Variants in AAMDC observed in about 807,000 individuals in gnomAD.
AAMDC encodes the protein mth938 domain-containing protein.
In AAMDC, 16 loss-of-function variants were observed where a neutral mutation model predicts 15.5. The ratio of observed to expected loss-of-function variants is 1.03; its 90% CI spans 0.70 to 1.57. The LOEUF is 1.57. Among genes scored for constraint, AAMDC ranks in the 40% most tolerant of loss-of-function variants. AAMDC has a pLI of 0.00. For missense variants in AAMDC, 141 were observed against 144.9 expected (o/e 0.97, Z 0.14); for synonymous variants, 51 against 51.6 (o/e 0.99, Z 0.05).
intron 5 of AAMDC, among the ~76,000 whole-genome samples, chr11:77,896,233 G>A (rs1218140979): frequency 1.3e-5 from 2 of 151,614 alleles, no homozygotes; most frequent in African/African-American, 4.8e-5. Context: ...AGAAAAAAAA[G>A]GAAAAAAATA....
intron 5 of AAMDC, among the ~76,000 whole-genome samples, chr11:77,886,522 G>A (rs1025430905): frequency 1.3e-5 from 2 of 152,186 alleles, no homozygotes; most frequent in African/African-American, 4.8e-5. Context: ...ACGGGTAAAC[G>A]GCGGGAGTAA....
chr11:77,854,781 A>G (rs1345475738), intron 2 of AAMDC, among the ~76,000 whole-genome samples: 1 of 152,188 alleles, frequency 6.6e-6, no homozygotes, highest in Non-Finnish European at 1.5e-5. Flanking sequence ...CACCTCCATT[A>G]ACCACTGTCC....
downstream of AAMDC, among the ~76,000 whole-genome samples, chr11:77,903,113 AGTAACTT>A (rs1470736631): frequency 6.6e-6 from 1 of 152,244 alleles, no homozygotes; most frequent in Non-Finnish European, 1.5e-5. Flanking sequence ...AGGGAATTTA[AGTAACTT>A]GCTCAATATC....
chr11:77,841,072 C>G, intron 1 of AAMDC: 1 of 634,252 alleles, frequency 1.6e-6, no homozygotes, highest in South Asian at 1.8e-5. Flanking sequence ...TGAGAGCCTT[C>G]TTGCTGCATC....
intron 5 of AAMDC, chr11:77,878,846 C>G: frequency 1.2e-6 from 1 of 846,168 alleles, no homozygotes; most frequent in East Asian, 2.4e-5. Context: ...GTCACATACT[C>G]CTTAAGCCTA....
At chr11:77,865,131 T>C (rs1001600896) in intron 2 of AAMDC, among the ~76,000 whole-genome samples, 1 of 152,216 alleles carries the variant, frequency 6.6e-6, no homozygotes, top group Non-Finnish European at 1.5e-5. Flanking sequence ...CTAATGTGGT[T>C]GAGTCCCCAA....
rs397970373 is a variant in AAMDC, at chr11:77,823,621, C to CAAAAAA, written c.-19+2396_-19+2401dup. 2.0e-4 allele frequency among the ~76,000 whole-genome samples: 20 copies of CAAAAAA among 97,642 alleles called. 1 individual carries two copies. Among genetic ancestry groups the CAAAAAA allele is most frequent in the African/African-American group, 6.9e-4 (17 of 24,512 alleles). 64.1% of individuals were successfully genotyped at this position (97,642 alleles called of 152,430 possible). ...TGGGCGACAGAACTACACCCTGTCT[C>CAAAAAA]AAAAAAAAAAAAAAAAAAAAAGAAT... On this transcript the variant is annotated intron_variant, in intron 1 of 3. Transcript: ENST00000393427.
intron 2 of AAMDC, among the ~76,000 whole-genome samples, chr11:77,859,552 G>C (rs568790828): frequency 6.6e-6 from 1 of 152,154 alleles, no homozygotes; most frequent in African/African-American, 2.4e-5. Context: ...TCTAGTGCCC[G>C]AGTGAGGGCT....
At chr11:77,873,457 A>C (rs1262486430), downstream of AAMDC, among the ~76,000 whole-genome samples, 2 of 152,218 alleles carry the variant, frequency 1.3e-5, no homozygotes, top group East Asian at 3.8e-4. Flanking sequence ...GAGCCATAGA[A>C]TGTTGGAGCC....
chr11:77,869,768 A>G lies in AAMDC; in HGVS notation c.179A>G (p.Lys60Arg). The G allele has an allele frequency of 6.2e-7, 1 of 1,614,018 alleles. No individual in the cohort carries two copies. The highest frequency in any genetic ancestry group is 8.5e-7 in the Non-Finnish European group (1 of 1,179,922). The change falls in exon 3 of 4, where the codon AAG (lysine) becomes AGG (arginine). Residue 60 changes from lysine to arginine, a missense_variant. By Grantham distance (26) the Lys-to-Arg change is conservative. Transcript: ENST00000393427. ...QPADVKEVVE[K>R]GVQTLVIGRG... is the part of the protein sequence containing the mutation. ...GCAGATGTGAAGGAAGTTGTTGAGA[A>G]GGGTGTACAGACTCTTGTGATTGGC...
intron 5 of AAMDC, among the ~76,000 whole-genome samples, chr11:77,882,738 A>G (rs1373238660): frequency 1.3e-5 from 2 of 152,138 alleles, no homozygotes; most frequent in African/African-American, 2.4e-5. Context: ...ACAGCTTCAT[A>G]AAGTCATCAT....
At chr11:77,874,540 GA>G (rs1951546432), downstream of AAMDC, among the ~76,000 whole-genome samples, 1 of 152,108 alleles carries the variant, frequency 6.6e-6, no homozygotes, top group Admixed American at 6.5e-5. Context: ...AAACTTTTAA[GA>G]AAACCTGCTA....
At chr11:77,885,597 T>C (rs1002258301) in intron 5 of AAMDC, among the ~76,000 whole-genome samples, 1 of 151,884 alleles carries the variant, frequency 6.6e-6, no homozygotes, top group Non-Finnish European at 1.5e-5. Flanking sequence ...GCCAGGTGGA[T>C]TACTTGAGGT....
downstream of AAMDC, among the ~76,000 whole-genome samples, chr11:77,874,077 T>C (rs1951531154): frequency 6.6e-6 from 1 of 152,320 alleles, no homozygotes; most frequent in Non-Finnish European, 1.5e-5. Context: ...GATTTATTTT[T>C]TTCCAAGTTC....
downstream of AAMDC, chr11:77,903,771 T>C (rs1952853506): frequency 4.7e-6 from 3 of 642,964 alleles, no homozygotes; most frequent in Middle Eastern, 7.6e-4. Flanking sequence ...GCTGTATCTA[T>C]TATGGAGAAA....
At chr11:77,887,764 CTT>C (rs1952079800) in intron 5 of AAMDC, among the ~76,000 whole-genome samples, 1 of 152,158 alleles carries the variant, frequency 6.6e-6, no homozygotes, top group Non-Finnish European at 1.5e-5. Context: ...CACAAGCATT[CTT>C]ATACGCCAAT....
intron 2 of AAMDC, among the ~76,000 whole-genome samples, chr11:77,849,690 A>G (rs1044559345): frequency 6.6e-6 from 1 of 151,918 alleles, no homozygotes; most frequent in Admixed American, 6.6e-5. Flanking sequence ...TCACTCTCCT[A>G]TATTTCATAA....
chr11:77,876,532 TACTTGA>T (rs1276688168), downstream of AAMDC, among the ~76,000 whole-genome samples: 1 of 151,934 alleles, frequency 6.6e-6, no homozygotes, highest in Non-Finnish European at 1.5e-5. Flanking sequence ...CCCGATACGA[TACTTGA>T]ATTGCTTAGC....
chr11:77,828,564 G>T (rs760118542), intron 1 of AAMDC, among the ~76,000 whole-genome samples: 1 of 151,618 alleles, frequency 6.6e-6, no homozygotes. Context: ...CCAGCTACTC[G>T]GGAGGCTGCG....
Sources: allele counts gnomAD v4.1 joint callset (sites outside exome capture counted in the v4.1 genomes callset), GRCh38; gene constraint gnomAD v4.1.1; transcripts MANE v1.5; gene names NCBI Gene and HGNC (gene_info 2026-07-23, HGNC 2026-07-21).